PJVK: variants seen among roughly 807,000 people sequenced by gnomAD.
PJVK encodes the protein autosomal recessive deafness type 59 protein.
A neutral mutation model predicts 37.6 loss-of-function variants in PJVK; 33 were observed. The observed-to-expected ratio is 0.88, with a 90% CI of 0.67 to 1.17. The LOEUF is 1.17. Ranked by LOEUF, PJVK falls within the 50% of genes most tolerant of loss-of-function variation. The pLI is 0.00. For missense variants in PJVK, 410 were observed against 413.8 expected, an observed-to-expected ratio of 0.99 and a Z score of 0.08; for synonymous variants, 141 against 143.5, an observed-to-expected ratio of 0.98 and a Z score of 0.13.
intron 3 of PJVK, 81 bp downstream of exon 3, chr2:178,454,608 A>C: frequency 1.3e-6 from 2 of 1,493,160 alleles, no homozygotes; most frequent in Non-Finnish European, 9.2e-7. Flanking sequence ...AGAATGCTTA[A>C]AACATTGAGG....
intron 1 of PJVK, chr2:178,453,172 C>T: frequency 2.0e-6 from 1 of 488,152 alleles, no homozygotes; most frequent in Non-Finnish European, 3.7e-6. Flanking sequence ...GCCTGCCATT[C>T]CAAGTTAAAC....
intron 1 of PJVK, chr2:178,452,815 T>G (rs1243393677): frequency 5.6e-6 from 1 of 177,626 alleles, no homozygotes; most frequent in Non-Finnish European, 1.1e-5. Flanking sequence ...TGTTTATATC[T>G]GTGAATTTAT....
chr2:178,451,871 G>T, intron 1 of PJVK, 102 bp downstream of exon 1: 1 of 985,186 alleles, frequency 1.0e-6, no homozygotes, highest in Non-Finnish European at 1.2e-6. Context: ...AGCACCTTTG[G>T]TGGGCCATTA....
At position 178,460,433 on chromosome 2, in the gene PJVK, C is replaced by T; in HGVS notation, c.753C>T (p.Ile251=). Residue 251 remains isoleucine, a synonymous_variant, in exon 6 of 7, where the codon ATC becomes ATT. Coordinates refer to ENST00000644580, the MANE Select transcript of PJVK (RefSeq NM_001042702.5). The part of the protein sequence containing the change: ...TFALLYRLRN[I]LFERNRRVMD... The stretch of plus-strand genomic sequence containing the variant: ...CACTGCTGTACAGGTTGAGAAATAT[C>T]CTATTTGAAAGAAGTATGTTTATTG... 6.2e-7 allele frequency: 1 copy of T among 1,613,572 alleles called. No individual in the cohort carries two copies. The highest frequency in any genetic ancestry group is 8.5e-7 in the Non-Finnish European group (1 of 1,179,732).
intron 4 of PJVK, among the ~76,000 whole-genome samples, chr2:178,457,877 AG>A (rs1490537484): frequency 6.6e-6 from 1 of 152,166 alleles, no homozygotes; most frequent in Non-Finnish European, 1.5e-5. Flanking sequence ...AAATTGGAAA[AG>A]TATCTGTGTT....
At chr2:178,456,923 G>T (rs1183136250) in intron 4 of PJVK, among the ~76,000 whole-genome samples, 1 of 152,212 alleles carries the variant, frequency 6.6e-6, no homozygotes, top group Non-Finnish European at 1.5e-5. Context: ...AAGTTGAATT[G>T]ATTTAAGTGA....
chr2:178,454,927 A>T (rs866665090), intron 3 of PJVK: 3 of 897,622 alleles, frequency 3.3e-6, no homozygotes, highest in Middle Eastern at 4.3e-4. Context: ...AACCTAGGCA[A>T]CAGGGCAGAC....
intron 4 of PJVK, among the ~76,000 whole-genome samples, chr2:178,456,776 A>G (rs1447464766): frequency 6.6e-6 from 1 of 151,982 alleles, no homozygotes; most frequent in African/African-American, 2.4e-5. Context: ...CAAAAAAACA[A>G]AACAAAACAA....
chr2:178,453,328 C>A, intron 1 of PJVK, 60 bp from the exon 2 acceptor site: 2 of 1,352,210 alleles, frequency 1.5e-6, no homozygotes, highest in South Asian at 2.4e-5. Context: ...TAAAAACAAG[C>A]AATGCTTAAT....
At position 178,453,399 on chromosome 2, in the gene PJVK, T is replaced by G; in HGVS notation, c.-11T>G. 6.2e-7 allele frequency: 1 copy of G among 1,614,036 alleles called. No homozygotes were observed. The highest frequency in any genetic ancestry group is 8.5e-7 in the Non-Finnish European group (1 of 1,179,958). On this transcript the variant is annotated 5_prime_UTR_variant, in exon 2 of 7. Transcript: ENST00000644580. ...TCTGGGGGTTGCAGTTGATGACGTT[T>G]TGATTTTAATATGTTTGCTGCTGCT...
chr2:178,455,079 C>T (rs1478970656), intron 3 of PJVK: 13 of 1,526,954 alleles, frequency 8.5e-6, no homozygotes, highest in Middle Eastern at 2.0e-4. Flanking sequence ...GGGCAGCCAG[C>T]GATCATCGAT....
At chr2:178,455,831 A>G (rs1684034067) in intron 3 of PJVK, among the ~76,000 whole-genome samples, 179 bp from the exon 4 acceptor site, 1 of 152,228 alleles carries the variant, frequency 6.6e-6, no homozygotes, top group Admixed American at 6.5e-5. Flanking sequence ...ATGTTTTAAG[A>G]AAATAGAGAG....
intron 4 of PJVK, among the ~76,000 whole-genome samples, chr2:178,458,088 C>A (rs1684245537): frequency 6.6e-6 from 1 of 152,110 alleles, no homozygotes; most frequent in Non-Finnish European, 1.5e-5. Context: ...GAGGCACAAA[C>A]TGAAACATTT....
At chr2:178,456,272 T>G in intron 4 of PJVK, 121 bp downstream of exon 4, 3 of 1,296,306 alleles carry the variant, frequency 2.3e-6, no homozygotes, top group Non-Finnish European at 3.3e-6. Context: ...AGAGCTGCAG[T>G]TGTATAGGAT....
At chr2:178,460,176 C>G (rs377695654) in intron 5 of PJVK, among the ~76,000 whole-genome samples, 172 bp from the exon 6 acceptor site, 31 of 152,318 alleles carry the variant, frequency 2.0e-4, no homozygotes, top group African/African-American at 7.2e-4. Context: ...GTCACTGTAT[C>G]TCCTTTCTGT....
rs536141412 is a variant in PJVK at position 178,461,584 on chromosome 2, CTTTTTTTTT to C, written c.*320_*328del. 1.6e-5 allele frequency among the ~76,000 whole-genome samples: 2 copies of C among 122,800 alleles called. No homozygotes were observed. The highest frequency in any genetic ancestry group is 6.5e-5 in the African/African-American group (2 of 30,958). The allele number at this position is 122,800 out of a possible 152,430, so 80.6% of individuals were successfully genotyped here. ...GATGTAGTCTATCATTTTAGTTCAC[CTTTTTTTTT>C]TTTTTTTTTGAGACAGAGCCTTGCT... On this transcript the variant is annotated 3_prime_UTR_variant, in exon 7 of 7. Transcript: ENST00000644580.
chr2:178,455,434 G>C, intron 3 of PJVK: 1 of 1,370,050 alleles, frequency 7.3e-7, no homozygotes, highest in Non-Finnish European at 1.0e-6. Flanking sequence ...ACTAGCCCCT[G>C]TTTTTCCCTC....
Position 178,458,599 on chromosome 2 carries a change from A to G in PJVK, c.639A>G (p.Glu213=), listed in dbSNP as rs751570778. ...CAACCATAGCTTTCAGTGTTTTTGA[A>G]CTCTTCATATACCTGGATGGTGCCT... ...AHTTIAFSVF[E]LFIYLDGAFD... is the part of the protein sequence containing the mutation. Residue 213 remains glutamate (E), a synonymous_variant, in exon 5 of 7, where the codon GAA becomes GAG. Transcript: ENST00000644580. The G allele has an allele frequency of 5.6e-6, 9 of 1,613,786 alleles. No individual in the cohort carries two copies. The Admixed American group carries it at 1.5e-4, about 27-fold the overall frequency.
chr2:178,458,798 C>G (rs367707633), intron 5 of PJVK, among the ~76,000 whole-genome samples, 171 bp downstream of exon 5: 17 of 152,178 alleles, frequency 1.1e-4, no homozygotes, highest in Admixed American at 2.0e-4. Flanking sequence ...AAAGACCCTC[C>G]GTTCGCTGCT....
Sources: gnomAD v4.1 joint callset for allele counts (sites outside exome capture counted in the v4.1 genomes callset) on GRCh38, gnomAD v4.1.1 for gene constraint, MANE v1.5 for transcripts, NCBI Gene and HGNC (gene_info 2026-07-23, HGNC 2026-07-21) for gene names.